Variants in IQSEC1 observed in about 807,000 individuals in gnomAD.
The protein encoded by IQSEC1 is IQ motif and Sec7 domain ArfGEF 1.
A neutral mutation model predicts 91.0 loss-of-function variants in IQSEC1; 31 were observed. The ratio of observed to expected loss-of-function variants is 0.34; its 90% CI spans 0.26 to 0.46. The LOEUF (loss-of-function observed/expected upper bound fraction) is 0.46, where lower values mean the gene tolerates loss of function less well. Among genes scored for constraint, IQSEC1 ranks in the 20% least tolerant of loss-of-function variants. The pLI is 1.00. For missense variants in IQSEC1, 1,388 were observed against 1,575.6 expected (o/e 0.88, Z 2.02); for synonymous variants, 699 against 662.6 (o/e 1.05, Z -0.84).
chr3:13,195,896 G>C (rs1318968127), intron 1 of IQSEC1, among the ~76,000 whole-genome samples: 1 of 152,230 alleles, frequency 6.6e-6, no homozygotes, highest in African/African-American at 2.4e-5. Flanking sequence ...TGGCATATTA[G>C]ACTGTGGTTT....
intron 1 of IQSEC1, among the ~76,000 whole-genome samples, chr3:13,215,872 G>A (rs138910259): frequency 1.3e-5 from 2 of 152,356 alleles, no homozygotes; most frequent in East Asian, 1.9e-4. Flanking sequence ...CTTCAGGCAG[G>A]ATCTGCTGTG....
chr3:13,049,229 G>A (rs375485937), intron 1 of IQSEC1, among the ~76,000 whole-genome samples: 4 of 152,172 alleles, frequency 2.6e-5, no homozygotes, highest in Non-Finnish European at 5.9e-5. Context: ...AGCTGCACAC[G>A]AGCCACATGA....
At chr3:12,901,546 C>A (rs1694307323) in intron 13 of IQSEC1, 24 bp from the exon 14 acceptor site, 1 of 1,529,776 alleles carries the variant, frequency 6.5e-7, no homozygotes, top group South Asian at 1.2e-5. Flanking sequence ...TCATAGAAAT[C>A]AAAATTAAAA....
intron 2 of IQSEC1, among the ~76,000 whole-genome samples, chr3:13,145,912 T>G (rs1706888100): frequency 6.6e-6 from 1 of 151,910 alleles, no homozygotes. Context: ...ATGCAGTTAC[T>G]GAGTCACAGA....
intron 1 of IQSEC1, among the ~76,000 whole-genome samples, chr3:12,958,440 T>C (rs1529755): frequency 0.25 from 37,362 of 152,084 alleles, 5,545 homozygotes; most frequent in African/African-American, 0.42. Context: ...AATGGGAGTA[T>C]TGTCCACCCA....
intron 1 of IQSEC1, among the ~76,000 whole-genome samples, chr3:13,244,530 G>A (rs1024644399): frequency 6.6e-6 from 1 of 152,104 alleles, no homozygotes; most frequent in Non-Finnish European, 1.5e-5. Context: ...TTAATGGGGA[G>A]GTCCACTGAG....
intron 1 of IQSEC1, among the ~76,000 whole-genome samples, chr3:12,999,556 G>T (rs974784510): frequency 1.3e-5 from 2 of 152,180 alleles, no homozygotes; most frequent in Non-Finnish European, 2.9e-5. Context: ...GCGCCCACGT[G>T]GGGCGGGGAC....
intron 1 of IQSEC1, among the ~76,000 whole-genome samples, chr3:13,006,974 G>A (rs1057326407): frequency 1.3e-5 from 2 of 152,202 alleles, no homozygotes; most frequent in African/African-American, 4.8e-5. Flanking sequence ...GCTACCGGCG[G>A]GTATCTCTCT....
intron 1 of IQSEC1, among the ~76,000 whole-genome samples, chr3:12,948,080 CCA>C (rs994907101): frequency 2.3e-4 from 35 of 152,232 alleles, no homozygotes; most frequent in Non-Finnish European, 1.8e-4. Context: ...AGCTGTGTGA[CCA>C]CAGGAGGAAT....
chr3:13,144,137 T>C (rs2124943829), intron 2 of IQSEC1, among the ~76,000 whole-genome samples: 1 of 152,308 alleles, frequency 6.6e-6, no homozygotes, highest in African/African-American at 2.4e-5. Flanking sequence ...GCTGGGCCAC[T>C]CACGGTACCC....
At chr3:13,205,879 T>C in intron 1 of IQSEC1, among the ~76,000 whole-genome samples, 1 of 130,470 alleles carries the variant, frequency 7.7e-6, no homozygotes. Flanking sequence ...CACTCATCGA[T>C]CCCCCCATTC....
intron 2 of IQSEC1, among the ~76,000 whole-genome samples, chr3:13,163,724 T>TGCCCTGACCCCGCCCA (rs1383221741): frequency 6.6e-6 from 1 of 152,130 alleles, no homozygotes; most frequent in Non-Finnish European, 1.5e-5. Context: ...ATCTTAGACT[T>TGCCCTGACCCCGCCCA]GCCCTGACCC....
rs143685205 is a variant in IQSEC1 at position 13,214,183 on chromosome 3, C to T, written c.273-50050G>A. Among the ~76,000 whole-genome samples, 498 of 152,344 alleles carry T rather than the reference C, an allele frequency of 3.3e-3. 4 individuals carry two copies. Among genetic ancestry groups the T allele is most frequent in the African/African-American group, 0.011 (470 of 41,582 alleles). On this transcript the variant is annotated intron_variant, in intron 1 of 15. Transcript: ENST00000648114. This position sits in a 1 kb window ranked among gnomAD's most constrained non-coding sequence, Gnocchi z 4.5. ...CAAAGGGTCCCAACCCTTAACGCGA[C>T]GAACCCCTCTCTTACCCTTCTAGTC...
chr3:12,939,172 A>G (rs1375035969), intron 2 of IQSEC1, among the ~76,000 whole-genome samples: 1 of 152,154 alleles, frequency 6.6e-6, no homozygotes, highest in African/African-American at 2.4e-5. Flanking sequence ...AGCGGAGGGA[A>G]GACGCTCAGC....
Position 13,259,620 on chromosome 3 carries a change from G to C in IQSEC1, c.272+23091C>G, listed in dbSNP as rs1695347612. On this transcript the variant is annotated intron_variant, in intron 1 of 15. Coordinates refer to the IQSEC1 transcript ENST00000648114. This position sits in a 1 kb window ranked among gnomAD's most constrained non-coding sequence, Gnocchi z 4.6. ...GTTCATTAACTTGATGATTGCAGAAGACCCACTAGGCTGTTCGTTGCCATT... is the reference window on the plus strand; with the variant it reads ...GTTCATTAACTTGATGATTGCAGAACACCCACTAGGCTGTTCGTTGCCATT... 6.6e-6 allele frequency among the ~76,000 whole-genome samples: 1 copy of C among 152,222 alleles called. No homozygotes were observed. The highest frequency in any genetic ancestry group is 2.4e-5 in the African/African-American group (1 of 41,454).
At position 12,901,013 on chromosome 3, in the gene IQSEC1, G is replaced by A; in HGVS notation, c.3315C>T (p.Ala1105=). 7.8e-6 allele frequency: 12 copies of A among 1,545,418 alleles called. No individual in the cohort carries two copies. The highest frequency in any genetic ancestry group is 8.7e-6 in the Non-Finnish European group (10 of 1,146,788). ...CAATTGTGCTGATGCCGCTGGGTTT[G>A]GCCTTGCTGCTGGTGGGGGGCGGCG... ...PAPPPPTSSK[A]KPSGISTIV Residue 1105 remains alanine, a synonymous_variant, in exon 14 of 14, where the codon GCC becomes GCT. Transcript: ENST00000613206.
intron 2 of IQSEC1, among the ~76,000 whole-genome samples, chr3:13,134,448 G>A (rs1471782660): frequency 6.6e-6 from 1 of 152,250 alleles, no homozygotes; most frequent in Non-Finnish European, 1.5e-5. Flanking sequence ...AGGAGCCTGG[G>A]CGTCCTGGAG....
intron 1 of IQSEC1, among the ~76,000 whole-genome samples, chr3:12,985,026 G>A (rs904737206): frequency 4.6e-5 from 7 of 151,864 alleles, no homozygotes; most frequent in East Asian, 3.9e-4. Context: ...GGGTTTCACC[G>A]TGTTAGCCAG....
At chr3:13,071,215 C>T (rs184222107) in intron 1 of IQSEC1, among the ~76,000 whole-genome samples, 1 of 142,742 alleles carries the variant, frequency 7.0e-6, no homozygotes, top group African/African-American at 2.6e-5. Flanking sequence ...AGCTCCTGGG[C>T]TACAACCCCC....
Sources: gnomAD v4.1 joint callset for allele counts (sites outside exome capture counted in the v4.1 genomes callset) on GRCh38, gnomAD v4.1.1 for gene constraint, Gnocchi (gnomAD v3.1) non-coding constraint, MANE v1.5 for transcripts, NCBI Gene and HGNC (gene_info 2026-07-23, HGNC 2026-07-21) for gene names.